Variants in KCNN2 observed in about 807,000 individuals in gnomAD.
KCNN2 encodes the protein potassium calcium-activated channel subfamily N member 2.
KCNN2 carries 24 observed loss-of-function variants against 55.5 expected under a neutral mutation model. That is an observed-to-expected ratio of 0.43 (90% CI 0.31 to 0.61). KCNN2 has a LOEUF of 0.61. Ranked by LOEUF, KCNN2 falls within the 20% of genes least tolerant of loss-of-function variation. The pLI is 0.08. For missense variants in KCNN2, 754 were observed against 853.6 expected (o/e 0.88, Z 1.45); for synonymous variants, 431 against 336.1 (o/e 1.28, Z -3.09).
At chr5:114,226,686 A>C (rs2112598601) in intron 2 of KCNN2, among the ~76,000 whole-genome samples, 1 of 152,174 alleles carries the variant, frequency 6.6e-6, no homozygotes, top group East Asian at 1.9e-4. Flanking sequence ...GCGGATCACA[A>C]GGTCAGGAGA....
intron 1 of KCNN2, among the ~76,000 whole-genome samples, chr5:114,214,969 G>A (rs973554759): frequency 2.6e-5 from 4 of 152,104 alleles, no homozygotes; most frequent in African/African-American, 7.2e-5. Flanking sequence ...GAGTAATATA[G>A]TCTGGTATTA....
intron 2 of KCNN2, among the ~76,000 whole-genome samples, chr5:114,352,295 G>A (rs1361464847): frequency 6.6e-6 from 1 of 151,308 alleles, no homozygotes. Flanking sequence ...TTAGTAATAT[G>A]CTCTTCTCTC....
intron 1 of KCNN2, among the ~76,000 whole-genome samples, chr5:114,148,305 C>T (rs533669282): frequency 1.3e-5 from 2 of 152,276 alleles, no homozygotes; most frequent in African/African-American, 4.8e-5. Context: ...ATTAACAGCT[C>T]TTAAGTCTGT....
chr5:114,110,487 A>G (rs1420205117), intron 1 of KCNN2, among the ~76,000 whole-genome samples: 1 of 152,040 alleles, frequency 6.6e-6, no homozygotes, highest in African/African-American at 2.4e-5. Context: ...CTGAAGCTAC[A>G]AGGGGAGAGA....
chr5:114,466,503 C>T (rs1761460729), intron 4 of KCNN2, among the ~76,000 whole-genome samples: 1 of 151,792 alleles, frequency 6.6e-6, no homozygotes, highest in African/African-American at 2.4e-5. Context: ...AAAACACATC[C>T]TGAAAGCTAT....
intron 1 of KCNN2, among the ~76,000 whole-genome samples, chr5:114,077,384 T>C (rs1327630040): frequency 6.6e-6 from 1 of 152,224 alleles, no homozygotes; most frequent in Admixed American, 6.5e-5. Context: ...GGTACAGAGA[T>C]GCCTAGGGTC....
rs1045241764 is a variant in KCNN2, at chr5:114,147,601, C to T, written c.-270-73879C>T. On this transcript the variant is annotated intron_variant, in intron 1 of 10. Coordinates refer to the KCNN2 transcript ENST00000512097. ...ATGAGAGACTTGTCCCTCTTTCACT[C>T]ATTGTTCTACAAAAGACAACTCTTT... 3.9e-5 allele frequency among the ~76,000 whole-genome samples: 6 copies of T among 152,252 alleles called. No individual in the cohort carries two copies. The South Asian group carries it at 1.0e-3, about 26-fold the overall frequency.
intron 2 of KCNN2, among the ~76,000 whole-genome samples, chr5:114,253,305 A>G (rs999283936): frequency 1.7e-4 from 26 of 152,224 alleles, no homozygotes; most frequent in African/African-American, 4.8e-4. Flanking sequence ...AATGCAGGTC[A>G]AATGGGAGGA....
Position 114,379,610 on chromosome 5 carries a change from A to T in KCNN2, c.1218+15609A>T, listed in dbSNP as rs569920209. 1.0e-3 allele frequency among the ~76,000 whole-genome samples: 101 copies of T among 98,328 alleles called. 5 individuals carry two copies. The East Asian group carries it at 0.021, about 20-fold the overall frequency. 64.5% of individuals were successfully genotyped at this position (98,328 alleles called of 152,430 possible). A position where few individuals can be genotyped will look rare whatever the true frequency, so the allele number is the denominator to read the frequency against. ...TATATAACATATTATATATTTTAGA[A>T]TATATTATATAACATATTATATATT... On this transcript the variant is annotated intron_variant, in intron 2 of 7. Transcript: ENST00000673685.
intron 4 of KCNN2, 21 bp downstream of exon 4, chr5:114,463,211 C>T: frequency 1.9e-6 from 3 of 1,595,188 alleles, no homozygotes; most frequent in Non-Finnish European, 2.6e-6. Flanking sequence ...TTATACTTCA[C>T]ATCTCTTTTA....
chr5:114,271,898 A>C (rs1421751716), intron 2 of KCNN2, among the ~76,000 whole-genome samples: 1 of 152,150 alleles, frequency 6.6e-6, no homozygotes, highest in Non-Finnish European at 1.5e-5. Context: ...GATGGTTATC[A>C]TACTAAGGTC....
chr5:114,263,694 C>T, intron 2 of KCNN2, among the ~76,000 whole-genome samples: 1 of 152,158 alleles, frequency 6.6e-6, no homozygotes, highest in Non-Finnish European at 1.5e-5. Flanking sequence ...CAGTCTTTAT[C>T]ATATATGGAA....
intron 2 of KCNN2, among the ~76,000 whole-genome samples, chr5:114,298,078 T>C (rs534594825): frequency 1.3e-5 from 2 of 152,240 alleles, no homozygotes; most frequent in South Asian, 4.1e-4. Flanking sequence ...GCTTAAAAGG[T>C]ACCTGATACT....
intron 2 of KCNN2, among the ~76,000 whole-genome samples, chr5:114,386,822 C>T (rs1308922020): frequency 6.6e-6 from 1 of 152,172 alleles, no homozygotes; most frequent in African/African-American, 2.4e-5. Context: ...AGATTTCAGT[C>T]TCTATTTACT....
At chr5:114,400,973 GT>G (rs889315953) in intron 2 of KCNN2, among the ~76,000 whole-genome samples, 75 of 143,410 alleles carry the variant, frequency 5.2e-4, no homozygotes, top group East Asian at 3.4e-3. Flanking sequence ...TCTTGACTAT[GT>G]TTTTTTTTTT....
intron 1 of KCNN2, among the ~76,000 whole-genome samples, chr5:114,134,130 T>G (rs1322910424): frequency 2.0e-5 from 3 of 151,984 alleles, no homozygotes; most frequent in Non-Finnish European, 4.4e-5. Context: ...ACTTCCCACC[T>G]GGTGCTAGGG....
chr5:114,097,413 G>A (rs1002625655), intron 1 of KCNN2, among the ~76,000 whole-genome samples: 12 of 152,280 alleles, frequency 7.9e-5, no homozygotes, highest in African/African-American at 2.9e-4. Context: ...GTGTCCTGTA[G>A]TTGATGGTCA....
chr5:114,312,432 CACAT>C (rs1561566578), intron 2 of KCNN2, among the ~76,000 whole-genome samples: 1 of 19,290 alleles, frequency 5.2e-5, no homozygotes, highest in African/African-American at 1.8e-4. Flanking sequence ...CACACACACA[CACAT>C]ATATATATAT....
intron 3 of KCNN2, among the ~76,000 whole-genome samples, chr5:114,418,591 G>A (rs1759377081): frequency 6.6e-6 from 1 of 152,118 alleles, no homozygotes; most frequent in Admixed American, 6.6e-5. Context: ...GGGGAGTTGG[G>A]GGGCAGTGGC....
Sources: gnomAD v4.1 joint callset for allele counts (sites outside exome capture counted in the v4.1 genomes callset) on GRCh38, gnomAD v4.1.1 for gene constraint, MANE v1.5 for transcripts, NCBI Gene and HGNC (gene_info 2026-07-23, HGNC 2026-07-21) for gene names.